The following CDH13 variants were observed in gnomAD, a reference collection of about 807,000 sequenced individuals.
CDH13 encodes the protein cadherin-13.
In CDH13, 24 loss-of-function variants were observed where a neutral mutation model predicts 63.8. The ratio of observed to expected loss-of-function variants is 0.38; its 90% confidence interval spans 0.27 to 0.53. The LOEUF (loss-of-function observed/expected upper bound fraction) is 0.53. Among genes scored for constraint, CDH13 ranks in the 20% least tolerant of loss-of-function variants. CDH13 has a pLI of 0.85. For missense variants in CDH13, 1,049 were observed against 903.1 expected (o/e 1.16, Z -2.07); for synonymous variants, 503 against 355.3 (o/e 1.42, Z -4.67).
At chr16:83,418,342 T>C (rs908358817) in intron 6 of CDH13, among the ~76,000 whole-genome samples, 2 of 152,158 alleles carry the variant, frequency 1.3e-5, no homozygotes, top group Non-Finnish European at 2.9e-5. Context: ...ATAAAATAAA[T>C]ACAAGCATCC....
At chr16:82,893,055 G>A (rs1341312910) in intron 2 of CDH13, among the ~76,000 whole-genome samples, 1 of 152,176 alleles carries the variant, frequency 6.6e-6, no homozygotes, top group African/African-American at 2.4e-5. Flanking sequence ...AAAAGATGAG[G>A]TCAGACATCA....
intron 2 of CDH13, among the ~76,000 whole-genome samples, chr16:82,886,068 A>G (rs1193788002): frequency 1.3e-5 from 2 of 152,188 alleles, no homozygotes; most frequent in African/African-American, 4.8e-5. Context: ...ATACACATGT[A>G]TATTTCATTT....
intron 1 of CDH13, among the ~76,000 whole-genome samples, chr16:82,750,605 G>A (rs2034373915): frequency 1.3e-5 from 2 of 152,164 alleles, no homozygotes; most frequent in African/African-American, 2.4e-5. Context: ...TTCTCTTAAA[G>A]TCTCAGGTGG....
At chr16:83,759,212 T>C (rs1014702936) in intron 11 of CDH13, among the ~76,000 whole-genome samples, 1 of 152,178 alleles carries the variant, frequency 6.6e-6, no homozygotes, top group Non-Finnish European at 1.5e-5. Flanking sequence ...ACCAATGCAA[T>C]AGAATAGAGA....
At chr16:83,619,637 C>G (rs1305627840) in intron 8 of CDH13, among the ~76,000 whole-genome samples, 1 of 147,644 alleles carries the variant, frequency 6.8e-6, no homozygotes, top group East Asian at 2.0e-4. Context: ...GAGCATCCCC[C>G]CAGTTCCTGC....
At chr16:82,847,000 G>A (rs2039286652) in intron 1 of CDH13, among the ~76,000 whole-genome samples, 2 of 152,180 alleles carry the variant, frequency 1.3e-5, no homozygotes, top group South Asian at 4.1e-4. Flanking sequence ...TGACAGCCTT[G>A]TCAAAGCATT....
chr16:83,450,649 T>C (rs2072861831), intron 6 of CDH13, among the ~76,000 whole-genome samples: 1 of 152,172 alleles, frequency 6.6e-6, no homozygotes, highest in South Asian at 2.1e-4. Flanking sequence ...GGCAGGCAGA[T>C]CACGAGGTCA....
intron 5 of CDH13, among the ~76,000 whole-genome samples, chr16:83,327,277 G>C (rs1392082859): frequency 6.6e-6 from 1 of 152,188 alleles, no homozygotes; most frequent in Non-Finnish European, 1.5e-5. Context: ...GCACACTTTT[G>C]AGAGTGACAA....
At chr16:83,762,735 C>G (rs145336269) in intron 11 of CDH13, among the ~76,000 whole-genome samples, 7 of 152,304 alleles carry the variant, frequency 4.6e-5, no homozygotes, top group African/African-American at 1.7e-4. Flanking sequence ...GTCTTCCTGC[C>G]TCCTTCTTAC....
intron 5 of CDH13, among the ~76,000 whole-genome samples, chr16:83,273,745 G>A (rs1353125091): frequency 6.6e-6 from 1 of 152,060 alleles, no homozygotes. Context: ...TCCGTGGGAG[G>A]GGCATTTCAA....
chr16:83,426,920 T>C (rs2071925064), intron 6 of CDH13, among the ~76,000 whole-genome samples: 2 of 96,642 alleles, frequency 2.1e-5, no homozygotes, highest in African/African-American at 7.5e-5. Flanking sequence ...TTTTTTTTTT[T>C]TTTTTTTTTT....
chr16:82,842,205 C>T (rs1165354236), intron 1 of CDH13, among the ~76,000 whole-genome samples: 1 of 143,672 alleles, frequency 7.0e-6, no homozygotes, highest in Non-Finnish European at 1.5e-5. Flanking sequence ...TATACACACA[C>T]ATTCCTATCT....
chr16:83,552,891 C>G (rs2075532849), intron 7 of CDH13, among the ~76,000 whole-genome samples: 1 of 152,070 alleles, frequency 6.6e-6, no homozygotes. Context: ...CCAGCCTGAC[C>G]AATATGGTGA....
intron 2 of CDH13, among the ~76,000 whole-genome samples, chr16:82,868,333 C>A (rs980679518): frequency 6.6e-6 from 1 of 152,078 alleles, no homozygotes; most frequent in Non-Finnish European, 1.5e-5. Flanking sequence ...TTTTCCCTTC[C>A]CTCCTACCAA....
intron 1 of CDH13, among the ~76,000 whole-genome samples, chr16:82,693,928 A>G (rs2029937824): frequency 6.6e-6 from 1 of 152,228 alleles, no homozygotes; most frequent in South Asian, 2.1e-4. Context: ...AATGGGATAC[A>G]CTAAGGTACA....
At chr16:82,882,961 A>G (rs574226275) in intron 2 of CDH13, among the ~76,000 whole-genome samples, 7 of 152,314 alleles carry the variant, frequency 4.6e-5, no homozygotes, top group African/African-American at 1.7e-4. Flanking sequence ...AATAAATCCT[A>G]GAATTTGCCT....
intron 8 of CDH13, among the ~76,000 whole-genome samples, chr16:83,635,999 A>C (rs562246254): frequency 6.6e-6 from 1 of 152,124 alleles, no homozygotes; most frequent in East Asian, 1.9e-4. Flanking sequence ...TGTAAGGTTT[A>C]GGTTGAGTTC....
At chr16:82,652,505 C>G (rs1013307412) in intron 1 of CDH13, among the ~76,000 whole-genome samples, 4 of 152,154 alleles carry the variant, frequency 2.6e-5, no homozygotes, top group Non-Finnish European at 5.9e-5. Context: ...GAAGTTTGCT[C>G]AGTGATATGA....
At chr16:83,429,245 A>G (rs1387172002) in intron 6 of CDH13, among the ~76,000 whole-genome samples, 22 of 152,180 alleles carry the variant, frequency 1.4e-4, no homozygotes. Context: ...CATTTATGAC[A>G]AGAGTGGCCC....
Sources: gnomAD v4.1 joint callset for allele counts (sites outside exome capture counted in the v4.1 genomes callset) on GRCh38, gnomAD v4.1.1 for gene constraint, MANE v1.5 for transcripts, NCBI Gene and HGNC (gene_info 2026-07-23, HGNC 2026-07-21) for gene names.